Variants in GABRG2 observed in about 807,000 individuals in gnomAD.
GABRG2 encodes the protein gamma-aminobutyric acid receptor subunit gamma-2.
GABRG2 carries 16 observed loss-of-function variants against 56.4 expected under a neutral mutation model. The observed-to-expected ratio is 0.28, with a 90% CI of 0.19 to 0.43. GABRG2 has a LOEUF of 0.43. Ranked by LOEUF, GABRG2 falls within the 20% of genes least tolerant of loss-of-function variation. The pLI, the probability that GABRG2 is intolerant of heterozygous loss-of-function variation, is 1.00. For missense variants in GABRG2, 327 were observed against 582.7 expected (o/e 0.56, Z 4.52); for synonymous variants, 208 against 205.5 (o/e 1.01, Z -0.10).
At chr5:162,123,723 G>T (rs1763129585) in intron 6 of GABRG2, among the ~76,000 whole-genome samples, 1 of 151,794 alleles carries the variant, frequency 6.6e-6, no homozygotes, top group African/African-American at 2.4e-5. Context: ...GAGGACTTGT[G>T]TTATTATTAT....
chr5:162,097,721 G>A lies in GABRG2; in HGVS notation c.411G>A (p.Leu137=). The part of the protein sequence containing the change: ...KFNSTIKVLR[L]NSNMVGKIWI... ...ACAGCACCATTAAAGTCCTCCGATT[G>A]AACAGCAACATGGTGGGGAAAATCT... is the stretch of plus-strand genomic sequence containing the variant. The change falls in exon 4 of 10, where the codon TTG becomes TTA. Residue 137 remains leucine (L), a synonymous_variant. Coordinates refer to ENST00000639213, the MANE Select transcript of GABRG2 (RefSeq NM_198904.4). 6.2e-7 allele frequency: 1 copy of A among 1,613,810 alleles called. No homozygotes were observed. Among genetic ancestry groups the A allele is most frequent in the Non-Finnish European group, 8.5e-7 (1 of 1,179,872 alleles).
At chr5:162,129,326 T>C (rs1291569128) in intron 6 of GABRG2, 1 of 151,964 alleles carries the variant, frequency 6.6e-6, no homozygotes, top group Non-Finnish European at 1.5e-5. Context: ...AGTTTGTTTT[T>C]CTCCTTGTTC....
chr5:162,086,996 T>C (rs1760172458), intron 1 of GABRG2, among the ~76,000 whole-genome samples: 1 of 152,060 alleles, frequency 6.6e-6, no homozygotes, highest in South Asian at 2.1e-4. Context: ...CAGAAAATGT[T>C]CATTATTAGC....
chr5:162,081,088 A>T (rs1759626599), intron 1 of GABRG2, among the ~76,000 whole-genome samples: 1 of 152,096 alleles, frequency 6.6e-6, no homozygotes, highest in Non-Finnish European at 1.5e-5. Context: ...TACCGATAAA[A>T]TTTGTTATTG....
At chr5:162,090,518 A>G (rs1444708833) in intron 1 of GABRG2, among the ~76,000 whole-genome samples, 9 of 152,052 alleles carry the variant, frequency 5.9e-5, no homozygotes, top group Admixed American at 3.3e-4. Context: ...GCTCCCATGC[A>G]ATGTTGCTGC....
intron 3 of GABRG2, among the ~76,000 whole-genome samples, chr5:162,096,476 A>G (rs1324249419): frequency 6.6e-6 from 1 of 152,190 alleles, no homozygotes; most frequent in African/African-American, 2.4e-5. Flanking sequence ...TCTTGCCAAA[A>G]TGTAGAATAT....
At position 162,153,597 on chromosome 5, in the gene GABRG2, A is replaced by G; in HGVS notation, c.*229A>G. ...GTGTTTCAAACCTGCAAGGCAAAGT[A>G]AAATTAGAGCAAGAACATTCAAACC... On this transcript the variant is annotated 3_prime_UTR_variant, in exon 10 of 10. Transcript: ENST00000639213. 2 of 601,180 alleles carry G rather than the reference A, an allele frequency of 3.3e-6. No individual in the cohort carries two copies. The highest frequency in any genetic ancestry group is 1.9e-5 in the African/African-American group (1 of 53,902). 37.2% of individuals were successfully genotyped at this position (601,180 alleles called of 1,614,324 possible).
chr5:162,095,287 G>A (rs1318016106), intron 2 of GABRG2, among the ~76,000 whole-genome samples: 3 of 152,034 alleles, frequency 2.0e-5, no homozygotes, highest in South Asian at 2.1e-4. Context: ...TCTACTATGC[G>A]TGCTTGGTGC....
intron 1 of GABRG2, among the ~76,000 whole-genome samples, chr5:162,087,813 T>C (rs1024656021): frequency 1.3e-5 from 2 of 152,160 alleles, no homozygotes; most frequent in Admixed American, 1.3e-4. Flanking sequence ...TTATTTGATA[T>C]GCATCATTTG....
At chr5:162,110,882 A>T (rs1385436409) in intron 6 of GABRG2, among the ~76,000 whole-genome samples, 2 of 152,142 alleles carry the variant, frequency 1.3e-5, no homozygotes, top group Admixed American at 6.6e-5. Context: ...CAATTTAGAA[A>T]GTTAGCTTTG....
chr5:162,111,136 G>A (rs1762223037), intron 6 of GABRG2, among the ~76,000 whole-genome samples: 1 of 152,036 alleles, frequency 6.6e-6, no homozygotes, highest in African/African-American at 2.4e-5. Flanking sequence ...TTTCTAGAAT[G>A]TTTTTCCTTG....
Position 162,155,375 on chromosome 5 carries a change from A to G in GABRG2, c.*2007A>G, listed in dbSNP as rs1234464730. 6.6e-6 allele frequency: 1 copy of G among 152,488 alleles called. No homozygotes were observed. Among genetic ancestry groups the G allele is most frequent in the Admixed American group, 6.6e-5 (1 of 15,224 alleles). 9.4% of individuals were successfully genotyped at this position (152,488 alleles called of 1,614,324 possible). A position where few individuals can be genotyped will look rare whatever the true frequency, so the allele number is the denominator to read the frequency against. ...GACACTACAAAAAGCTAGCTTTCCA[A>G]TGTGTGCATAGTATTGGCAATATGA... On this transcript the variant is annotated 3_prime_UTR_variant, in exon 10 of 10. Coordinates refer to ENST00000639213, the MANE Select transcript of GABRG2 (RefSeq NM_198904.4).
intron 6 of GABRG2, among the ~76,000 whole-genome samples, chr5:162,135,113 T>C (rs1370134136): frequency 6.6e-6 from 1 of 152,186 alleles, no homozygotes; most frequent in Non-Finnish European, 1.5e-5. Flanking sequence ...GCCAAACCCA[T>C]TTGTTCTCTT....
intron 6 of GABRG2, among the ~76,000 whole-genome samples, chr5:162,135,533 C>T (rs1268362339): frequency 6.6e-6 from 1 of 152,162 alleles, no homozygotes; most frequent in East Asian, 1.9e-4. Flanking sequence ...GCTAGAGCTA[C>T]ATCCCTTATG....
chr5:162,103,379 T>C (rs211032), intron 5 of GABRG2: 110,342 of 158,236 alleles, frequency 0.7, 38,637 homozygotes, highest in Admixed American at 0.76. Context: ...CCCAACAAAT[T>C]GAGAAAGAAA....
At chr5:162,067,582 G>GA (rs551372113), upstream of GABRG2, 19 of 461,978 alleles carry the variant, frequency 4.1e-5, no homozygotes, top group South Asian at 1.8e-4. Context: ...CCCTGTAAAA[G>GA]AAAAAAAATC....
At chr5:162,122,464 T>C (rs10491330) in intron 6 of GABRG2, among the ~76,000 whole-genome samples, 6,920 of 151,904 alleles carry the variant, frequency 0.046, 208 homozygotes, top group Non-Finnish European at 0.069. Context: ...TTACTTCCAC[T>C]GAGTATATTA....
intron 6 of GABRG2, among the ~76,000 whole-genome samples, chr5:162,130,945 A>G (rs1306491836): frequency 6.6e-6 from 1 of 151,980 alleles, no homozygotes; most frequent in Admixed American, 6.6e-5. Context: ...CCTTGATTCA[A>G]GAGAGCTTAT....
intron 6 of GABRG2, among the ~76,000 whole-genome samples, chr5:162,107,126 T>TC (rs1761892901): frequency 6.6e-6 from 1 of 152,166 alleles, no homozygotes; most frequent in African/African-American, 2.4e-5. Context: ...TTGTCCTGTA[T>TC]CAGCTTGATA....
Sources: gnomAD v4.1 joint callset for allele counts (sites outside exome capture counted in the v4.1 genomes callset) on GRCh38, gnomAD v4.1.1 for gene constraint, MANE v1.5 for transcripts, NCBI Gene and HGNC (gene_info 2026-07-23, HGNC 2026-07-21) for gene names.